AARS1: variants seen among roughly 807,000 people sequenced by gnomAD.
AARS1 encodes alanyl-tRNA synthetase 1.
In AARS1, 72 loss-of-function variants were observed where a neutral mutation model predicts 108.9. The ratio of observed to expected loss-of-function variants is 0.66; its 90% CI spans 0.55 to 0.80. AARS1 has a LOEUF of 0.80. Ranked by LOEUF, AARS1 falls within the 30% of genes least tolerant of loss-of-function variation. AARS1 has a pLI of 0.00. For synonymous variants in AARS1, 489 were observed against 465.7 expected (o/e 1.05, Z -0.64); for missense variants, 1,193 against 1,233.2 (o/e 0.97, Z 0.49).
intron 9 of AARS1, among the ~76,000 whole-genome samples, chr16:70,266,834 TTC>T (rs1439504477): frequency 6.6e-6 from 1 of 151,216 alleles, no homozygotes; most frequent in Admixed American, 6.6e-5. Context: ...ACACATCTAT[TTC>T]TTTTTCTTTT....
chr16:70,257,628 G>A (rs537560843), intron 15 of AARS1, among the ~76,000 whole-genome samples: 4 of 152,078 alleles, frequency 2.6e-5, no homozygotes, highest in African/African-American at 4.8e-5. Context: ...CCCAGATGCC[G>A]CCCAAGCTGT....
intron 15 of AARS1, among the ~76,000 whole-genome samples, chr16:70,257,386 C>G (rs988420385): frequency 2.0e-5 from 3 of 152,114 alleles, no homozygotes; most frequent in Non-Finnish European, 4.4e-5. Flanking sequence ...CTACACTCCA[C>G]CCTGCGGGAC....
chr16:70,276,452 C>A, intron 4 of AARS1, 34 bp downstream of exon 4: 1 of 1,612,262 alleles, frequency 6.2e-7, no homozygotes, highest in Non-Finnish European at 8.5e-7. Flanking sequence ...CATTTCACTC[C>A]TCCATACTCT....
intron 12 of AARS1, 68 bp downstream of exon 12, chr16:70,262,278 G>A: frequency 1.3e-6 from 2 of 1,596,534 alleles, no homozygotes; most frequent in Non-Finnish European, 1.7e-6. Context: ...GAGCACTGTG[G>A]GGCAAAAGCA....
chr16:70,253,991 C>A lies in AARS1; in HGVS notation c.2448G>T (p.Arg816=), dbSNP rs758787063. ...CCTTCTTTAGGGATTTGAGAGTCTC[C>A]CGCAATTCATCCTTCTGCCACTGGG... The part of the protein sequence containing the change: ...VIPQWQKDEL[R]ETLKSLKKVM... The change falls in exon 18 of 21, where the codon CGG becomes CGT. Residue 816 remains arginine, a synonymous_variant. Coordinates refer to ENST00000261772, the MANE Select transcript of AARS1 (RefSeq NM_001605.3). The A allele has an allele frequency of 6.2e-7, 1 of 1,614,168 alleles. No individual in the cohort carries two copies. The highest frequency in any genetic ancestry group is 1.1e-5 in the South Asian group (1 of 91,078).
At chr16:70,253,408 C>A (rs770268652) in intron 19 of AARS1, 27 bp from the exon 20 acceptor site, 1 of 1,564,368 alleles carries the variant, frequency 6.4e-7, no homozygotes, top group Non-Finnish European at 8.8e-7. Flanking sequence ...GCTCAGGCCA[C>A]GGTGCTGGAG....
At chr16:70,284,404 TA>T (rs1960790215) in intron 1 of AARS1, among the ~76,000 whole-genome samples, 1 of 150,748 alleles carries the variant, frequency 6.6e-6, no homozygotes. Flanking sequence ...AGATCAAGAC[TA>T]TCTTGGCTAA....
At chr16:70,252,935 A>G (rs1959878340) in intron 20 of AARS1, 29 bp from the exon 21 acceptor site, 2 of 1,609,614 alleles carry the variant, frequency 1.2e-6, no homozygotes, top group Non-Finnish European at 1.7e-6. Context: ...AGGGGGAGTC[A>G]GCACAGAAGA....
intron 11 of AARS1, among the ~76,000 whole-genome samples, chr16:70,264,465 C>T (rs1035930363): frequency 3.3e-5 from 5 of 151,706 alleles, no homozygotes; most frequent in Non-Finnish European, 2.9e-5. Flanking sequence ...TACAGGGGCA[C>T]GCCACCACGC....
In AARS1 at chr16:70,276,348, C is replaced by T. The variant is rs551603641; in HGVS notation, c.479+138G>A. 3.2e-4 allele frequency: 313 copies of T among 970,258 alleles called. 2 individuals carry two copies. The South Asian group carries it at 4.0e-3, about 13-fold the overall frequency. 60.1% of individuals were successfully genotyped at this position (970,258 alleles called of 1,614,324 possible). ...CTCCTGGGTTCAAGCGATTCTCTAG[C>T]CTCACTCCTCCCCATGTGCATCTCA... is the stretch of plus-strand genomic sequence containing the variant. On this transcript the variant is annotated intron_variant, in intron 4 of 20. Coordinates refer to ENST00000261772, the MANE Select transcript of AARS1 (RefSeq NM_001605.3).
At chr16:70,255,871 G>A (rs1959979266) in intron 15 of AARS1, 35 bp from the exon 16 acceptor site, 1 of 1,588,866 alleles carries the variant, frequency 6.3e-7, no homozygotes, top group African/African-American at 1.3e-5. Flanking sequence ...TAGTGAAAGA[G>A]GCCCTGGCAG....
chr16:70,256,301 G>GT (rs553644837), intron 15 of AARS1, among the ~76,000 whole-genome samples: 135 of 152,000 alleles, frequency 8.9e-4, no homozygotes, highest in African/African-American at 2.9e-3. Context: ...AGATAGTATA[G>GT]TTTTTTTTGT....
chr16:70,252,995 C>T, intron 20 of AARS1, 89 bp from the exon 21 acceptor site: 2 of 1,393,396 alleles, frequency 1.4e-6, no homozygotes, highest in Middle Eastern at 1.8e-4. Context: ...GAGCCATCAC[C>T]CACTCCTTGC....
intron 4 of AARS1, chr16:70,276,224 A>G (rs578028231): frequency 2.8e-5 from 6 of 213,624 alleles, no homozygotes; most frequent in East Asian, 1.2e-4. Flanking sequence ...AAAAAAATAA[A>G]TAAATAAATA....
intron 2 of AARS1, among the ~76,000 whole-genome samples, chr16:70,279,308 G>A (rs567041990): frequency 4.5e-5 from 6 of 133,484 alleles, no homozygotes; most frequent in South Asian, 4.8e-4. Context: ...CTGAGATTGC[G>A]TCACTGAATT....
Position 70,268,143 on chromosome 16 carries a change from G to C in AARS1, c.1071+128C>G, listed in dbSNP as rs981327972. 14 of 888,946 alleles carry C rather than the reference G, an allele frequency of 1.6e-5. No individual in the cohort carries two copies. The African/African-American group carries it at 2.0e-4, about 13-fold the overall frequency. 55.1% of individuals were successfully genotyped at this position (888,946 alleles called of 1,614,324 possible). A position where few individuals can be genotyped will look rare whatever the true frequency, so the allele number is the denominator to read the frequency against. On this transcript the variant is annotated intron_variant, in intron 8 of 20. Coordinates refer to ENST00000261772, the MANE Select transcript of AARS1 (RefSeq NM_001605.3). ...AGATCACTCTATTGCACTCCAGCGT[G>C]GGTGACAGAGTGAGACTCCGTCTCA...
In AARS1 at chr16:70,268,339, C is replaced by T. The variant is rs765846298; in HGVS notation, c.1003G>A (p.Ala335Thr). The change falls in exon 8 of 21, where the codon GCC (alanine) becomes ACC (threonine). Residue 335 changes from alanine to threonine, a missense_variant. Ala to Thr is a moderately conservative substitution (Grantham distance 58). Coordinates refer to ENST00000261772, the MANE Select transcript of AARS1 (RefSeq NM_001605.3). The stretch of plus-strand genomic sequence containing the variant: ...CTGCTGGCATTGAGCTTTTCATGGG[C>T]GTATCGGACAGCTCGGCGGAGAATC... ...RRILRRAVRY[A>T]HEKLNASRGF... The T allele has an allele frequency of 2.6e-5, 42 of 1,613,972 alleles. No individual in the cohort carries two copies. Among genetic ancestry groups the T allele is most frequent in the Non-Finnish European group, 3.1e-5 (37 of 1,180,008 alleles).
At chr16:70,270,407 G>A in intron 5 of AARS1, 67 bp from the exon 6 acceptor site, 1 of 1,592,160 alleles carries the variant, frequency 6.3e-7, no homozygotes, top group Non-Finnish European at 8.6e-7. Context: ...AGTCCCTGCT[G>A]GTTAAAATTC....
At position 70,277,004 on chromosome 16, in the gene AARS1, CGAA is replaced by C. The variant is rs773602581; in HGVS notation, c.292_294del (p.Phe98del). On this transcript the variant is annotated inframe_deletion, in exon 3 of 21. Transcript: ENST00000261772. ...CCAAAAGACCAAGAGCCCAGCATCT[CGAA>C]GAAGGTGTGATGATAGACATCCTTG... 2 of 1,614,132 alleles carry C rather than the reference CGAA, an allele frequency of 1.2e-6. No homozygotes were observed. Among genetic ancestry groups the C allele is most frequent in the African/African-American group, 1.3e-5 (1 of 75,026 alleles).
Sources: gnomAD v4.1 joint callset for allele counts (sites outside exome capture counted in the v4.1 genomes callset) on GRCh38, gnomAD v4.1.1 for gene constraint, MANE v1.5 for transcripts, NCBI Gene and HGNC (gene_info 2026-07-23, HGNC 2026-07-21) for gene names.